TUT4: variants seen among roughly 807,000 people sequenced by gnomAD.
TUT4 encodes terminal uridylyl transferase 4.
Under a neutral mutation model 192.2 loss-of-function variants are expected in TUT4, and 36 were observed. The ratio of observed to expected loss-of-function variants is 0.19; its 90% CI spans 0.14 to 0.25. TUT4 has a LOEUF of 0.25. TUT4 is among the 10% of genes least tolerant of loss of function. The probability of loss-of-function intolerance (pLI) is 1.00; values close to 1 mark genes in which losing one functional copy is unlikely to be tolerated. For synonymous variants in TUT4, 618 were observed against 666.0 expected (o/e 0.93, Z 1.11); for missense variants, 1,493 against 1,957.2 (o/e 0.76, Z 4.47).
chr1:52,456,813 A>G (rs1661111092), intron 20 of TUT4, among the ~76,000 whole-genome samples: 1 of 152,190 alleles, frequency 6.6e-6, no homozygotes, highest in African/African-American at 2.4e-5. Context: ...ATATTGTCCA[A>G]ACCCTTAGAA....
chr1:52,502,194 T>C (rs1353982033), intron 4 of TUT4, among the ~76,000 whole-genome samples: 1 of 151,920 alleles, frequency 6.6e-6, no homozygotes, highest in Admixed American at 6.6e-5. Context: ...CAACATGTTC[T>C]TAACATGGAA....
intron 18 of TUT4, 44 bp from the exon 19 acceptor site, chr1:52,461,267 A>G (rs1453034856): frequency 6.5e-7 from 1 of 1,534,678 alleles, no homozygotes; most frequent in African/African-American, 1.4e-5. Context: ...AATTTCGTAA[A>G]ATTAAACTAC....
chr1:52,453,296 C>T (rs548701107), intron 20 of TUT4, among the ~76,000 whole-genome samples: 79 of 151,898 alleles, frequency 5.2e-4, no homozygotes, highest in Non-Finnish European at 9.0e-4. Flanking sequence ...GCAGGAGAAT[C>T]GCTTGAACCC....
At position 52,515,927 on chromosome 1, in the gene TUT4, T is replaced by C. The variant is rs1678607049; in HGVS notation, c.846A>G (p.Glu282=). 1 of 1,613,668 alleles carries C rather than the reference T, an allele frequency of 6.2e-7. No individual in the cohort carries two copies. ...EQRLGLKQAE[E]RLERDHIFRL... ...GAAAGATGTGATCTCTTTCTAAGCG[T>C]TCTTCTGCTTGTTTCAACCCCAGCC... is the stretch of plus-strand genomic sequence containing the variant. The change falls in exon 3 of 30, where the codon GAA becomes GAG. Residue 282 remains glutamate, a synonymous_variant. Coordinates refer to ENST00000257177, the MANE Select transcript of TUT4 (RefSeq NM_001009881.3).
At chr1:52,546,579 A>G (rs182661441) in intron 1 of TUT4, among the ~76,000 whole-genome samples, 41 of 152,318 alleles carry the variant, frequency 2.7e-4, no homozygotes, top group Admixed American at 1.0e-3. Flanking sequence ...TCAGTTTTAT[A>G]AGATGAAAAG....
chr1:52,466,659 A>T (rs572952571), intron 15 of TUT4, among the ~76,000 whole-genome samples: 8,703 of 129,098 alleles, frequency 0.067, 317 homozygotes, highest in Middle Eastern at 0.14. Context: ...AAAAAAAAAA[A>T]ATATATATAT....
At chr1:52,508,692 T>C (rs926400615) in intron 4 of TUT4, among the ~76,000 whole-genome samples, 4 of 152,150 alleles carry the variant, frequency 2.6e-5, no homozygotes, top group Non-Finnish European at 5.9e-5. Context: ...AACCCAGACT[T>C]GCTGAGAGGG....
chr1:52,463,902 A>G, intron 16 of TUT4: 1 of 700,436 alleles, frequency 1.4e-6, no homozygotes, highest in Non-Finnish European at 2.1e-6. Context: ...AGCAGTGGTT[A>G]GGTTCTACAG....
At chr1:52,503,222 A>G (rs1045289227) in intron 4 of TUT4, among the ~76,000 whole-genome samples, 1 of 152,202 alleles carries the variant, frequency 6.6e-6, no homozygotes, top group Non-Finnish European at 1.5e-5. Context: ...ATATTTATGG[A>G]ACAACTATAT....
intron 4 of TUT4, among the ~76,000 whole-genome samples, chr1:52,499,971 A>T (rs1673644693): frequency 6.6e-6 from 1 of 151,730 alleles, no homozygotes; most frequent in Non-Finnish European, 1.5e-5. Context: ...TATATATATA[A>T]GCTGGGTGTG....
intron 1 of TUT4, among the ~76,000 whole-genome samples, chr1:52,546,056 T>C (rs1688019626): frequency 6.6e-6 from 1 of 151,846 alleles, no homozygotes; most frequent in Non-Finnish European, 1.5e-5. Flanking sequence ...GGAGGATGGC[T>C]TGAGCCCAGG....
At chr1:52,490,023 G>A (rs934468304) in intron 8 of TUT4, among the ~76,000 whole-genome samples, 1 of 152,000 alleles carries the variant, frequency 6.6e-6, no homozygotes, top group Non-Finnish European at 1.5e-5. Context: ...TAACTAGAAA[G>A]GCAAGATCAG....
At chr1:52,521,193 T>C (rs917291070) in intron 2 of TUT4, among the ~76,000 whole-genome samples, 2 of 152,240 alleles carry the variant, frequency 1.3e-5, no homozygotes, top group Non-Finnish European at 1.5e-5. Context: ...CCATCACTTA[T>C]ATATTCCTAA....
chr1:52,461,874 G>T, intron 16 of TUT4, 105 bp from the exon 17 acceptor site: 1 of 691,578 alleles, frequency 1.4e-6, no homozygotes, highest in Non-Finnish European at 2.4e-6. Context: ...CAGCCATAAA[G>T]CTCTATAATA....
intron 26 of TUT4, among the ~76,000 whole-genome samples, chr1:52,436,078 T>C (rs973448944): frequency 6.6e-6 from 1 of 152,198 alleles, no homozygotes; most frequent in Non-Finnish European, 1.5e-5. Flanking sequence ...CATGAACAGG[T>C]ATCCTTCTCT....
At chr1:52,509,445 A>C (rs1676507520) in intron 4 of TUT4, 151 bp downstream of exon 4, 1 of 593,832 alleles carries the variant, frequency 1.7e-6, no homozygotes, top group African/African-American at 1.9e-5. Flanking sequence ...TATCTCAGAT[A>C]AGGAAGGCAA....
intron 20 of TUT4, among the ~76,000 whole-genome samples, chr1:52,456,177 G>A (rs971891129): frequency 8.5e-5 from 13 of 152,064 alleles, no homozygotes; most frequent in African/African-American, 2.9e-4. Context: ...GCCGGGGCGG[G>A]TGGATCACCT....
Position 52,509,491 on chromosome 1 carries a change from A to C in TUT4, c.999+105T>G. 5 of 732,776 alleles carry C rather than the reference A, an allele frequency of 6.8e-6. 1 individual carries two copies. The South Asian group carries it at 9.6e-5, about 14-fold the overall frequency. 45.4% of individuals were successfully genotyped at this position (732,776 alleles called of 1,614,324 possible). A position where few individuals can be genotyped will look rare whatever the true frequency, so the allele number is the denominator to read the frequency against. On this transcript the variant is annotated intron_variant, in intron 4 of 29. Coordinates refer to ENST00000257177, the MANE Select transcript of TUT4 (RefSeq NM_001009881.3). Reference sequence around the variant, plus strand: ...CAAAGCTATCACTTCAGTTACCAATATAAGATTGGACAAATATTTCATTTT... The same window carrying C: ...CAAAGCTATCACTTCAGTTACCAATCTAAGATTGGACAAATATTTCATTTT...
intron 11 of TUT4, among the ~76,000 whole-genome samples, chr1:52,478,371 T>C (rs1251498849): frequency 6.6e-6 from 1 of 152,208 alleles, no homozygotes; most frequent in African/African-American, 2.4e-5. Flanking sequence ...AATTCCTTCA[T>C]TCAGCAAACA....
Sources: allele counts gnomAD v4.1 joint callset (sites outside exome capture counted in the v4.1 genomes callset), GRCh38; gene constraint gnomAD v4.1.1; transcripts MANE v1.5; gene names NCBI Gene and HGNC (gene_info 2026-07-23, HGNC 2026-07-21).